Variants in PDZD2 observed in about 807,000 individuals in gnomAD.
PDZD2 encodes the protein PDZ domain containing 2, also known as PDZ domain-containing protein 2.
PDZD2 carries 90 observed loss-of-function variants against 220.7 expected under a neutral mutation model. The observed-to-expected ratio is 0.41, with a 90% CI of 0.34 to 0.49. PDZD2 has a LOEUF of 0.49. PDZD2 is among the 20% of genes least tolerant of loss of function. The pLI is 0.28. For synonymous variants in PDZD2, 1,375 were observed against 1,450.5 expected, an observed-to-expected ratio of 0.95 and a Z score of 1.18; for missense variants, 3,174 against 3,608.5, an observed-to-expected ratio of 0.88 and a Z score of 3.08.
At chr5:31,875,032 A>G (rs1411449460) in intron 2 of PDZD2, among the ~76,000 whole-genome samples, 1 of 152,102 alleles carries the variant, frequency 6.6e-6, no homozygotes, top group Non-Finnish European at 1.5e-5. Context: ...TTTTATGTGT[A>G]TTTTAGTTGA....
intron 5 of PDZD2, among the ~76,000 whole-genome samples, chr5:32,002,954 CCACA>C (rs1184191968): frequency 1.7e-5 from 2 of 116,788 alleles, no homozygotes; most frequent in Admixed American, 8.8e-5. Flanking sequence ...CACACACACA[CCACA>C]CACACACCAA....
chr5:32,050,285 C>A (rs1473604173), intron 8 of PDZD2, among the ~76,000 whole-genome samples: 1 of 152,126 alleles, frequency 6.6e-6, no homozygotes, highest in East Asian at 1.9e-4. Context: ...GGCCACAGAT[C>A]GAGCGTTGAG....
intron 2 of PDZD2, among the ~76,000 whole-genome samples, chr5:31,842,826 TAATG>T (rs1431999027): frequency 3.3e-5 from 5 of 152,182 alleles, no homozygotes; most frequent in African/African-American, 1.2e-4. Context: ...AAACCAATAA[TAATG>T]AAAGTTTTTG....
At chr5:31,793,743 G>C (rs1753849348) in intron 1 of PDZD2, among the ~76,000 whole-genome samples, 1 of 152,222 alleles carries the variant, frequency 6.6e-6, no homozygotes, top group Non-Finnish European at 1.5e-5. Flanking sequence ...GGAGGCGGAG[G>C]TTGCAGTGAG....
At chr5:31,848,433 G>A (rs548056631) in intron 2 of PDZD2, among the ~76,000 whole-genome samples, 1 of 152,348 alleles carries the variant, frequency 6.6e-6, no homozygotes, top group African/African-American at 2.4e-5. Flanking sequence ...GTGGGAGATA[G>A]CAATGCACCC....
intron 2 of PDZD2, among the ~76,000 whole-genome samples, chr5:31,934,733 G>T (rs1745576855): frequency 6.6e-6 from 1 of 151,616 alleles, no homozygotes; most frequent in African/African-American, 2.4e-5. Flanking sequence ...TCAATACAAG[G>T]CTCCTAGGGG....
At chr5:31,676,238 G>A (rs949652591) in intron 1 of PDZD2, among the ~76,000 whole-genome samples, 5 of 152,066 alleles carry the variant, frequency 3.3e-5, no homozygotes, top group Admixed American at 1.3e-4. Flanking sequence ...AATCCACAGC[G>A]CAGAGGGTGA....
At chr5:31,844,787 C>G (rs1013074160) in intron 2 of PDZD2, among the ~76,000 whole-genome samples, 33 of 152,154 alleles carry the variant, frequency 2.2e-4, no homozygotes. Context: ...CATGGTAACA[C>G]AGCACTCACT....
intron 2 of PDZD2, among the ~76,000 whole-genome samples, chr5:31,918,199 C>T (rs990312727): frequency 6.6e-6 from 1 of 152,156 alleles, no homozygotes; most frequent in African/African-American, 2.4e-5. Flanking sequence ...TGTCACCTCC[C>T]ACCAGGTCCC....
intron 2 of PDZD2, among the ~76,000 whole-genome samples, chr5:31,926,714 T>A (rs1744811518): frequency 6.6e-6 from 1 of 152,120 alleles, no homozygotes; most frequent in African/African-American, 2.4e-5. Flanking sequence ...AATTCTATAC[T>A]AGGTATATAC....
chr5:31,778,303 A>C (rs1442307027), intron 1 of PDZD2, among the ~76,000 whole-genome samples: 1 of 152,054 alleles, frequency 6.6e-6, no homozygotes, highest in African/African-American at 2.4e-5. Context: ...TGTCCCAGCC[A>C]GCAGTGGCAA....
At chr5:31,895,130 T>A (rs540574448) in intron 2 of PDZD2, among the ~76,000 whole-genome samples, 5 of 152,314 alleles carry the variant, frequency 3.3e-5, no homozygotes, top group African/African-American at 1.2e-4. Flanking sequence ...CCTCGTGATC[T>A]GCCCTCCTCG....
At chr5:31,847,979 T>C in intron 2 of PDZD2, 1 of 419,122 alleles carries the variant, frequency 2.4e-6, no homozygotes, top group Non-Finnish European at 4.6e-6. Context: ...GATGGGGATG[T>C]ATAAGAAGGC....
chr5:31,844,843 G>T (rs2150288668), intron 2 of PDZD2, among the ~76,000 whole-genome samples: 1 of 152,048 alleles, frequency 6.6e-6, no homozygotes, highest in East Asian at 1.9e-4. Flanking sequence ...CCGCCTAGAG[G>T]TGAGCAATGG....
chr5:31,700,977 C>T (rs1747580864), intron 1 of PDZD2, among the ~76,000 whole-genome samples: 1 of 152,192 alleles, frequency 6.6e-6, no homozygotes, highest in South Asian at 2.1e-4. Flanking sequence ...CCGTAGGACA[C>T]AGTCATCAGC....
chr5:31,763,301 T>C (rs1029186017), intron 1 of PDZD2, among the ~76,000 whole-genome samples: 1 of 152,108 alleles, frequency 6.6e-6, no homozygotes, highest in Non-Finnish European at 1.5e-5. Flanking sequence ...AGGATGACAG[T>C]ATCCTAAGAA....
At chr5:31,671,562 T>G (rs1746217334) in intron 1 of PDZD2, among the ~76,000 whole-genome samples, 1 of 152,156 alleles carries the variant, frequency 6.6e-6, no homozygotes, top group African/African-American at 2.4e-5. Flanking sequence ...CTGGTGCCAG[T>G]CCCACGGCCC....
At chr5:32,080,120 G>A (rs564152152) in intron 19 of PDZD2, among the ~76,000 whole-genome samples, 33 of 152,192 alleles carry the variant, frequency 2.2e-4, no homozygotes, top group Admixed American at 5.9e-4. Flanking sequence ...AGGCCAAGAC[G>A]GACGGATCAC....
At chr5:31,780,521 CTA>C (rs1753002637) in intron 1 of PDZD2, among the ~76,000 whole-genome samples, 1 of 152,136 alleles carries the variant, frequency 6.6e-6, no homozygotes, top group African/African-American at 2.4e-5. Flanking sequence ...AAGCCAGTGT[CTA>C]TAGAGAAATA....
Sources: gnomAD v4.1 joint callset for allele counts (sites outside exome capture counted in the v4.1 genomes callset) on GRCh38, gnomAD v4.1.1 for gene constraint, MANE v1.5 for transcripts, NCBI Gene and HGNC (gene_info 2026-07-23, HGNC 2026-07-21) for gene names.